Variants in EYA3 observed in about 807,000 individuals in gnomAD.
The protein encoded by EYA3 is protein phosphatase EYA3.
A neutral mutation model predicts 80.0 loss-of-function variants in EYA3; 39 were observed. The observed-to-expected ratio is 0.49, with a 90% CI of 0.38 to 0.64. EYA3 has a LOEUF of 0.64. EYA3 is among the 30% of genes least tolerant of loss of function. The pLI is 0.00. For synonymous variants in EYA3, 206 were observed against 232.8 expected, an observed-to-expected ratio of 0.88 and a Z score of 1.05; for missense variants, 523 against 676.1, an observed-to-expected ratio of 0.77 and a Z score of 2.51.
At chr1:28,083,521 A>C (rs1645506577) in intron 1 of EYA3, among the ~76,000 whole-genome samples, 1 of 149,548 alleles carries the variant, frequency 6.7e-6, no homozygotes, top group Non-Finnish European at 1.5e-5. Context: ...CTCCGTCTCA[A>C]AAAAAAAAAA....
intron 3 of EYA3, among the ~76,000 whole-genome samples, chr1:28,048,046 T>C (rs1330441852): frequency 1.3e-5 from 2 of 152,214 alleles, no homozygotes; most frequent in African/African-American, 4.8e-5. Flanking sequence ...TCGCTTATGC[T>C]TCCTATTCTG....
In EYA3 at chr1:27,974,322, GGAGAGAGA is replaced by G; in HGVS notation, c.*136_*143del. 2.0e-6 allele frequency: 1 copy of G among 501,876 alleles called. No homozygotes were observed. Among genetic ancestry groups the G allele is most frequent in the Non-Finnish European group, 3.6e-6 (1 of 278,954 alleles). The allele number at this position is 501,876 out of a possible 1,614,324, so 31.1% of individuals were successfully genotyped here. A position where few individuals can be genotyped will look rare whatever the true frequency, so the allele number is the denominator to read the frequency against. ...GAGAGGAAGGGAGGGAGGGAGAGAG[GGAGAGAGA>G]GAAAGAGAGAAAGAGAGAGAGATAG... On this transcript the variant is annotated 3_prime_UTR_variant, in exon 18 of 18. Coordinates refer to ENST00000373871, the MANE Select transcript of EYA3 (RefSeq NM_001990.4).
At chr1:28,034,224 T>C (rs1643320607) in intron 6 of EYA3, among the ~76,000 whole-genome samples, 1 of 152,090 alleles carries the variant, frequency 6.6e-6, no homozygotes, top group African/African-American at 2.4e-5. Context: ...GTATTTAATA[T>C]TGAACAGCAG....
At position 27,977,872 on chromosome 1, in the gene EYA3, GA is replaced by G. The variant is rs1441448889; in HGVS notation, c.1641+501del. On this transcript the variant is annotated intron_variant, in intron 17 of 17. Coordinates refer to ENST00000373871, the MANE Select transcript of EYA3 (RefSeq NM_001990.4). ...CAAAAACAGAAAAAAAAAGAAAAAA[GA>G]AAAAAAGAAGGGGTGACCTGAAGTT... Among the ~76,000 whole-genome samples, 73 of 145,186 alleles carry G rather than the reference GA, an allele frequency of 5.0e-4. 1 individual carries two copies. Among genetic ancestry groups the G allele is most frequent in the South Asian group, 1.1e-3 (5 of 4,526 alleles).
intron 16 of EYA3, among the ~76,000 whole-genome samples, chr1:27,981,932 G>C (rs980239495): frequency 5.3e-5 from 8 of 151,878 alleles, no homozygotes; most frequent in African/African-American, 1.9e-4. Flanking sequence ...TCAAACTTGT[G>C]GGCTGAAGTG....
chr1:28,081,590 A>C (rs2148956218), intron 1 of EYA3, among the ~76,000 whole-genome samples: 1 of 152,300 alleles, frequency 6.6e-6, no homozygotes, highest in Admixed American at 6.5e-5. Flanking sequence ...TTCTTTTGGT[A>C]AAGAGAGTGA....
chr1:27,997,455 C>T (rs1640540444), intron 12 of EYA3, 77 bp from the exon 13 acceptor site: 1 of 1,245,810 alleles, frequency 8.0e-7, no homozygotes, highest in Non-Finnish European at 1.2e-6. Flanking sequence ...TATAAAAAGA[C>T]CATATACAGT....
intron 11 of EYA3, among the ~76,000 whole-genome samples, chr1:28,003,916 T>C (rs777262377): frequency 1.6e-4 from 24 of 152,212 alleles, no homozygotes; most frequent in Non-Finnish European, 2.8e-4. Flanking sequence ...ATTTTATCTA[T>C]ATATTTTACT....
At chr1:28,035,815 C>A (rs1643422043) in intron 5 of EYA3, 135 bp from the exon 6 acceptor site, 1 of 830,198 alleles carries the variant, frequency 1.2e-6, no homozygotes, top group South Asian at 1.8e-5. Context: ...TGGCTCTTTT[C>A]AAAAATTTTT....
Position 27,985,004 on chromosome 1 carries a change from G to A in EYA3, c.1540+3531C>T, listed in dbSNP as rs182180791. On this transcript the variant is annotated intron_variant, in intron 16 of 17. Transcript: ENST00000373871. ...CTACTTCCAATTAGGGTTTAATCCCGATCACTCCCCTATTCAAACTGCATG... is the reference window on the plus strand; with the variant it reads ...CTACTTCCAATTAGGGTTTAATCCCAATCACTCCCCTATTCAAACTGCATG... Among the ~76,000 whole-genome samples, 34 of 152,158 alleles carry A rather than the reference G, an allele frequency of 2.2e-4. No homozygotes were observed. In the South Asian group the frequency reaches 2.3e-3, roughly 10 times the overall value.
chr1:28,087,932 G>A (rs565693053), intron 1 of EYA3, among the ~76,000 whole-genome samples: 1 of 152,324 alleles, frequency 6.6e-6, no homozygotes, highest in African/African-American at 2.4e-5. Context: ...ACTTCCCCCA[G>A]GCTGGGGAAG....
chr1:28,006,911 T>A (rs1240642975), intron 10 of EYA3, among the ~76,000 whole-genome samples: 2 of 149,698 alleles, frequency 1.3e-5, no homozygotes, highest in African/African-American at 4.9e-5. Context: ...GAAGCAAAAT[T>A]ATCTGTTTGC....
At position 27,971,158 on chromosome 1, in the gene EYA3, G is replaced by A. The variant is rs1288873751; in HGVS notation, c.*3308C>T. On this transcript the variant is annotated 3_prime_UTR_variant, in exon 18 of 18. Coordinates refer to ENST00000373871, the MANE Select transcript of EYA3 (RefSeq NM_001990.4). ...TTCTGGACACTACCAGCTGCCCCAG[G>A]GGCACTGGACAGGGTGATGCTAAGG... 6.6e-6 allele frequency: 1 copy of A among 152,176 alleles called. No homozygotes were observed. Among genetic ancestry groups the A allele is most frequent in the East Asian group, 1.9e-4 (1 of 5,196 alleles). The allele number at this position is 152,176 out of a possible 1,614,324, so 9.4% of individuals were successfully genotyped here. A position where few individuals can be genotyped will look rare whatever the true frequency, so the allele number is the denominator to read the frequency against.
intron 1 of EYA3, among the ~76,000 whole-genome samples, chr1:28,068,257 G>A (rs1346309787): frequency 2.6e-5 from 4 of 151,494 alleles, no homozygotes; most frequent in African/African-American, 7.3e-5. Context: ...GCTTGAACCC[G>A]GGAGGTGGAG....
intron 1 of EYA3, among the ~76,000 whole-genome samples, chr1:28,078,791 A>C (rs1316939250): frequency 6.6e-6 from 1 of 152,180 alleles, no homozygotes; most frequent in East Asian, 1.9e-4. Context: ...AGATGAGAAA[A>C]CTAAGGCACA....
intron 2 of EYA3, among the ~76,000 whole-genome samples, chr1:28,055,486 A>G (rs1223007678): frequency 3.7e-4 from 25 of 68,278 alleles, no homozygotes; most frequent in Non-Finnish European, 8.0e-5. Context: ...TTTTTTTTTG[A>G]GACAGAGTCT....
chr1:28,086,305 T>C (rs1040901201), intron 1 of EYA3, among the ~76,000 whole-genome samples: 4 of 152,090 alleles, frequency 2.6e-5, no homozygotes, highest in Admixed American at 6.6e-5. Context: ...CCTCAAAATC[T>C]TGGGCTCAAG....
intron 7 of EYA3, among the ~76,000 whole-genome samples, chr1:28,022,013 T>C (rs1642470885): frequency 6.6e-6 from 1 of 152,174 alleles, no homozygotes; most frequent in South Asian, 2.1e-4. Flanking sequence ...CTGTACATAT[T>C]TTGGTTAAAA....
intron 8 of EYA3, among the ~76,000 whole-genome samples, chr1:28,015,531 AAAAC>A (rs1159756651): frequency 1.3e-5 from 2 of 152,204 alleles, no homozygotes; most frequent in South Asian, 2.1e-4. Flanking sequence ...TCTGTCTCAA[AAAAC>A]AAACAAACAA....
Sources: allele counts gnomAD v4.1 joint callset (sites outside exome capture counted in the v4.1 genomes callset), GRCh38; gene constraint gnomAD v4.1.1; transcripts MANE v1.5; gene names NCBI Gene and HGNC (gene_info 2026-07-23, HGNC 2026-07-21).